The following EPM2A variants were observed in gnomAD, a reference collection of about 807,000 sequenced individuals.
EPM2A encodes the protein EPM2A glucan phosphatase, laforin.
Under a neutral mutation model 26.5 loss-of-function variants are expected in EPM2A, and 21 were observed. The ratio of observed to expected loss-of-function variants is 0.79; its 90% CI spans 0.56 to 1.14. EPM2A has a LOEUF of 1.14. EPM2A is among the 50% of genes most tolerant of loss of function. The pLI, the probability that EPM2A is intolerant of heterozygous loss-of-function variation, is 0.00. For missense variants in EPM2A, 458 were observed against 440.8 expected, an observed-to-expected ratio of 1.04 and a Z score of -0.35; for synonymous variants, 217 against 177.6, an observed-to-expected ratio of 1.22 and a Z score of -1.76.
At chr6:145,404,899 A>AT (rs1778545831) in intron 4 of EPM2A, among the ~76,000 whole-genome samples, 1 of 152,130 alleles carries the variant, frequency 6.6e-6, no homozygotes, top group Admixed American at 6.6e-5. Flanking sequence ...TGGAAGTGTG[A>AT]TTTTGAAATA....
At chr6:145,564,691 C>T (rs1158513837) in intron 2 of EPM2A, among the ~76,000 whole-genome samples, 1 of 145,202 alleles carries the variant, frequency 6.9e-6, no homozygotes, top group African/African-American at 2.6e-5. Context: ...TGGCCTCAGG[C>T]TATTGGCCTT....
At chr6:145,664,580 C>T (rs1779006454) in intron 2 of EPM2A, among the ~76,000 whole-genome samples, 2 of 150,584 alleles carry the variant, frequency 1.3e-5, no homozygotes, top group Admixed American at 1.3e-4. Context: ...TTTAACACCC[C>T]ACTGTCAATA....
Position 145,735,399 on chromosome 6 carries a change from G to C in EPM2A, c.100C>G (p.Pro34Ala), listed in dbSNP as rs796052438. ...GSRPELGRWE[P>A]RGAVRLRPAG... The stretch of plus-strand genomic sequence containing the variant: ...GGCCTCAGGCGGACGGCACCGCGCG[G>C]CTCCCAACGCCCCAGCTCGGGCCGC... Residue 34 changes from proline (P) to alanine (A), a missense_variant, in exon 1 of 4, where the codon CCG (proline) becomes GCG (alanine). By Grantham distance (27) the Pro-to-Ala change is conservative (BLOSUM62 -1). Transcript: ENST00000367519. 128 of 1,238,712 alleles carry C rather than the reference G, an allele frequency of 1.0e-4. No homozygotes were observed. The highest frequency in any genetic ancestry group is 1.2e-4 in the Non-Finnish European group (123 of 988,626). The allele number at this position is 1,238,712 out of a possible 1,614,324, so 76.7% of individuals were successfully genotyped here. A position where few individuals can be genotyped will look rare whatever the true frequency, so the allele number is the denominator to read the frequency against.
chr6:145,644,073 T>G (rs1034567952), intron 2 of EPM2A, among the ~76,000 whole-genome samples: 9 of 152,186 alleles, frequency 5.9e-5, no homozygotes, highest in African/African-American at 1.2e-4. Context: ...TCTAATAATT[T>G]AATCTAAATA....
chr6:145,698,652 G>A lies in EPM2A; in HGVS notation c.302-12356C>T, dbSNP rs191034898. ...GTAAAAGCAAAAGTAAAATTTAATC[G>A]TGCATTTTTTAAAATACTAATAATT... is the stretch of plus-strand genomic sequence containing the variant. On this transcript the variant is annotated intron_variant, in intron 1 of 3. Coordinates refer to ENST00000367519, the MANE Select transcript of EPM2A (RefSeq NM_005670.4). Among the ~76,000 whole-genome samples the A allele has an allele frequency of 6.5e-3, 980 of 151,332 alleles. 5 individuals are homozygous for A. Among genetic ancestry groups the A allele is most frequent in the Middle Eastern group, 0.017 (5 of 288 alleles).
At chr6:145,520,258 C>CATCT (rs1411178015) in intron 2 of EPM2A, among the ~76,000 whole-genome samples, 1 of 152,170 alleles carries the variant, frequency 6.6e-6, no homozygotes, top group Non-Finnish European at 1.5e-5. Flanking sequence ...CTGCCTGTTG[C>CATCT]ATCTGCCTGC....
intron 4 of EPM2A, among the ~76,000 whole-genome samples, chr6:145,469,100 T>C (rs1363241136): frequency 6.6e-6 from 1 of 152,192 alleles, no homozygotes; most frequent in East Asian, 1.9e-4. Context: ...TGGAGAAGCC[T>C]CAGGAAACTT....
intron 4 of EPM2A, among the ~76,000 whole-genome samples, chr6:145,444,170 C>T (rs564861950): frequency 2.0e-5 from 3 of 152,136 alleles, no homozygotes; most frequent in Admixed American, 6.5e-5. Context: ...ACATCTTTGA[C>T]TTGTTCTGAT....
At chr6:145,537,248 C>T (rs1780444313) in intron 2 of EPM2A, among the ~76,000 whole-genome samples, 1 of 152,120 alleles carries the variant, frequency 6.6e-6, no homozygotes, top group Non-Finnish European at 1.5e-5. Context: ...TAGGTTGCTA[C>T]AAGTTGTGGG....
At chr6:145,547,835 C>T (rs529956706) in intron 2 of EPM2A, among the ~76,000 whole-genome samples, 5 of 152,208 alleles carry the variant, frequency 3.3e-5, no homozygotes, top group African/African-American at 1.2e-4. Flanking sequence ...TCCACAGACA[C>T]TACCTTGGGT....
chr6:145,726,432 T>G (rs1393070500), intron 1 of EPM2A, among the ~76,000 whole-genome samples: 1 of 152,142 alleles, frequency 6.6e-6, no homozygotes, highest in East Asian at 1.9e-4. Context: ...AACTTCTCAC[T>G]TTTTAAACGT....
At chr6:145,441,159 A>G (rs760712521) in intron 4 of EPM2A, among the ~76,000 whole-genome samples, 19 of 152,188 alleles carry the variant, frequency 1.2e-4, no homozygotes, top group Admixed American at 6.5e-5. Context: ...CTTGACTTTC[A>G]TGCACCCACA....
At chr6:145,686,665 T>A (rs1279382318) in intron 1 of EPM2A, among the ~76,000 whole-genome samples, 2 of 151,830 alleles carry the variant, frequency 1.3e-5, no homozygotes, top group Non-Finnish European at 2.9e-5. Context: ...TACACTTCTA[T>A]CTTTCTGGTA....
At chr6:145,425,948 CTCAA>C (rs1474419270) in intron 4 of EPM2A, among the ~76,000 whole-genome samples, 1 of 152,148 alleles carries the variant, frequency 6.6e-6, no homozygotes, top group Non-Finnish European at 1.5e-5. Context: ...TTGCTTGCTA[CTCAA>C]TCAAAATCCA....
At chr6:145,678,591 A>G (rs968275308) in intron 2 of EPM2A, among the ~76,000 whole-genome samples, 1 of 152,244 alleles carries the variant, frequency 6.6e-6, no homozygotes, top group African/African-American at 2.4e-5. Flanking sequence ...TGGGCAAAGG[A>G]TATGAACAGA....
chr6:145,521,139 C>T (rs189676630), intron 2 of EPM2A, among the ~76,000 whole-genome samples: 3 of 152,170 alleles, frequency 2.0e-5, no homozygotes, highest in East Asian at 3.9e-4. Flanking sequence ...GGAGACTTTA[C>T]TCATAATAAT....
chr6:145,470,734 T>C (rs1032660439), intron 4 of EPM2A, among the ~76,000 whole-genome samples: 1 of 152,180 alleles, frequency 6.6e-6, no homozygotes, highest in East Asian at 1.9e-4. Context: ...AGATACACTT[T>C]ATGCACAAAA....
chr6:145,688,795 G>C (rs1453156400), intron 1 of EPM2A, among the ~76,000 whole-genome samples: 1 of 152,128 alleles, frequency 6.6e-6, no homozygotes, highest in African/African-American at 2.4e-5. Context: ...AGGAAAAGTA[G>C]GAGTGACTAA....
intron 4 of EPM2A, among the ~76,000 whole-genome samples, chr6:145,442,804 T>G (rs1044981945): frequency 1.3e-5 from 2 of 152,204 alleles, no homozygotes; most frequent in Non-Finnish European, 2.9e-5. Flanking sequence ...GCTGTTTGGG[T>G]TACTGTAGCC....
Sources: allele counts gnomAD v4.1 joint callset (sites outside exome capture counted in the v4.1 genomes callset), GRCh38; gene constraint gnomAD v4.1.1; transcripts MANE v1.5; gene names NCBI Gene and HGNC (gene_info 2026-07-23, HGNC 2026-07-21).